The following B4GALT1 variants were observed in gnomAD, a reference collection of about 807,000 sequenced individuals.
B4GALT1 encodes beta-1,4-galactosyltransferase 1.
A neutral mutation model predicts 34.9 loss-of-function variants in B4GALT1; 16 were observed. The observed-to-expected ratio is 0.46, with a 90% CI of 0.31 to 0.70. The LOEUF is 0.70. B4GALT1 is among the 30% of genes least tolerant of loss of function. The pLI, the probability that B4GALT1 is intolerant of heterozygous loss-of-function variation, is 0.05. For synonymous variants in B4GALT1, 221 were observed against 218.1 expected (o/e 1.01, Z -0.12); for missense variants, 445 against 530.5 (o/e 0.84, Z 1.58).
At chr9:33,115,502 A>G (rs1389213716) in intron 4 of B4GALT1, among the ~76,000 whole-genome samples, 1 of 152,236 alleles carries the variant, frequency 6.6e-6, no homozygotes, top group Non-Finnish European at 1.5e-5. Context: ...AGAACTGACC[A>G]GGCCATAATG....
chr9:33,157,835 C>A (rs1188038140), intron 1 of B4GALT1, among the ~76,000 whole-genome samples: 2 of 152,090 alleles, frequency 1.3e-5, no homozygotes, highest in African/African-American at 4.8e-5. Context: ...GTTTTAAGCC[C>A]TTTCGTGGCT....
chr9:33,158,450 CTTTCT>C (rs1295648985), intron 1 of B4GALT1, among the ~76,000 whole-genome samples: 3 of 152,202 alleles, frequency 2.0e-5, no homozygotes. Flanking sequence ...ACCACCTTCT[CTTTCT>C]TTTATCATCT....
the B4GALT1 span, among the ~76,000 whole-genome samples, chr9:33,182,178 G>A: frequency 5.3e-5 from 8 of 152,136 alleles, no homozygotes; most frequent in East Asian, 1.5e-3. Context: ...AGCCATCCTT[G>A]GCATTCCTTG....
At chr9:33,165,296 T>A (rs1396670453) in intron 1 of B4GALT1, among the ~76,000 whole-genome samples, 1 of 141,978 alleles carries the variant, frequency 7.0e-6, no homozygotes, top group African/African-American at 2.6e-5. Context: ...GTACACGATC[T>A]CATTTAGTCT....
At chr9:33,114,807 A>C (rs1483936288) in intron 4 of B4GALT1, among the ~76,000 whole-genome samples, 2 of 152,018 alleles carry the variant, frequency 1.3e-5, no homozygotes, top group Non-Finnish European at 2.9e-5. Context: ...TGGTGCATAG[A>C]AAGTGTTAGG....
rs928608596 is a variant in B4GALT1, at chr9:33,113,574, A to G, written c.1077T>C (p.Ile359=). Residue 359 remains isoleucine (I), a synonymous_variant, in exon 6 of 6, where the codon ATT becomes ATC. Transcript: ENST00000379731. The stretch of plus-strand genomic sequence containing the variant: ...AGAGCATTGTCTCCTTTGTGTGTGC[A>G]ATTCGGTCAAACCTACAAGGAAAAG... The part of the protein sequence containing the change: ...NEPNPQRFDR[I]AHTKETMLSD... The G allele has an allele frequency of 1.9e-6, 3 of 1,614,232 alleles. No individual in the cohort carries two copies. The highest frequency in any genetic ancestry group is 2.5e-6 in the Non-Finnish European group (3 of 1,180,046).
At chr9:33,165,295 C>A (rs1241156283) in intron 1 of B4GALT1, among the ~76,000 whole-genome samples, 2 of 142,362 alleles carry the variant, frequency 1.4e-5, no homozygotes, top group East Asian at 5.1e-4. Context: ...TGTACACGAT[C>A]TCATTTAGTC....
At chr9:33,154,817 G>T (rs552505723) in intron 1 of B4GALT1, among the ~76,000 whole-genome samples, 1 of 152,164 alleles carries the variant, frequency 6.6e-6, no homozygotes, top group Non-Finnish European at 1.5e-5. Flanking sequence ...ACAAATTCAT[G>T]AACTCTCTTA....
At chr9:33,166,524 G>C (rs902009564) in intron 1 of B4GALT1, among the ~76,000 whole-genome samples, 5 of 152,222 alleles carry the variant, frequency 3.3e-5, no homozygotes, top group African/African-American at 1.2e-4. Flanking sequence ...AGGGGCCTCG[G>C]GACTTCCCTG....
chr9:33,150,222 C>A (rs1840491763), intron 1 of B4GALT1, among the ~76,000 whole-genome samples: 1 of 118,742 alleles, frequency 8.4e-6, no homozygotes, highest in Non-Finnish European at 1.7e-5. Flanking sequence ...ATCTATCTAT[C>A]TACAGGTAGA....
In B4GALT1 at chr9:33,135,439, G is replaced by A. The variant is rs201579123; in HGVS notation, c.413-15C>T. 6 of 1,612,578 alleles carry A rather than the reference G, an allele frequency of 3.7e-6. No homozygotes were observed. The highest frequency in any genetic ancestry group is 3.3e-5 in the South Asian group (3 of 90,906). On this transcript the variant is annotated splice_polypyrimidine_tract_variant and intron_variant, in intron 1 of 5. Coordinates refer to ENST00000379731, the MANE Select transcript of B4GALT1 (RefSeq NM_001497.4). ...CATGGGGCCCACTAGAGAGGTGGAG[G>A]GAGGGAGAAGTTAGCAGGCCACAGG...
intron 1 of B4GALT1, among the ~76,000 whole-genome samples, chr9:33,141,578 C>G (rs1159029637): frequency 6.6e-6 from 1 of 152,164 alleles, no homozygotes; most frequent in African/African-American, 2.4e-5. Flanking sequence ...GCCAACAGTA[C>G]TGCTAAGTGT....
chr9:33,132,186 C>A (rs779663987), intron 2 of B4GALT1, among the ~76,000 whole-genome samples: 1 of 151,462 alleles, frequency 6.6e-6, no homozygotes, highest in Admixed American at 6.6e-5. Flanking sequence ...GTTTGAAAAA[C>A]CAAAACTAAA....
At chr9:33,120,898 G>A (rs536930960) in intron 2 of B4GALT1, among the ~76,000 whole-genome samples, 2 of 152,272 alleles carry the variant, frequency 1.3e-5, no homozygotes, top group South Asian at 4.1e-4. Context: ...TAATCAGTAG[G>A]GAACTGGTTC....
the B4GALT1 span, among the ~76,000 whole-genome samples, chr9:33,173,822 T>C: frequency 6.6e-6 from 1 of 152,106 alleles, no homozygotes; most frequent in Admixed American, 6.6e-5. Flanking sequence ...GAGGAAGAAC[T>C]CAAAGAATGA....
chr9:33,169,773 G>A (rs1840823070), upstream of B4GALT1, among the ~76,000 whole-genome samples: 2 of 151,966 alleles, frequency 1.3e-5, no homozygotes, highest in South Asian at 4.2e-4. Context: ...CGCCCGCCTC[G>A]GCCTCCCAAA....
upstream of B4GALT1, among the ~76,000 whole-genome samples, chr9:33,168,886 C>A (rs1331347629): frequency 6.6e-6 from 1 of 152,226 alleles, no homozygotes; most frequent in Non-Finnish European, 1.5e-5. Context: ...TCCTTACACA[C>A]CACTCCCGTT....
chr9:33,120,547 C>T lies in B4GALT1; in HGVS notation c.708G>A (p.Leu236=). The T allele has an allele frequency of 6.2e-7, 1 of 1,614,182 alleles. No individual in the cohort carries two copies. Among genetic ancestry groups the T allele is most frequent in the Non-Finnish European group, 8.5e-7 (1 of 1,180,026 alleles). Reference sequence around the variant, plus strand: ...CAAAGCAGGTGTAGTCATAGTCCTTCAAGGCTTCTTGAAAGCCAACATTGA... The same window carrying T: ...CAAAGCAGGTGTAGTCATAGTCCTTTAAGGCTTCTTGAAAGCCAACATTGA... The part of the protein sequence containing the change: ...KLLNVGFQEA[L]KDYDYTCFVF... The change falls in exon 3 of 6, where the codon TTG becomes TTA. Residue 236 remains leucine, a synonymous_variant. Transcript: ENST00000379731.
At chr9:33,168,614 C>G (rs1343431592), upstream of B4GALT1, among the ~76,000 whole-genome samples, 2 of 152,218 alleles carry the variant, frequency 1.3e-5, no homozygotes, top group Non-Finnish European at 2.9e-5. Flanking sequence ...ACTTGACTTC[C>G]TGGACACCAG....
Sources: gnomAD v4.1 joint callset for allele counts (sites outside exome capture counted in the v4.1 genomes callset) on GRCh38, gnomAD v4.1.1 for gene constraint, MANE v1.5 for transcripts, NCBI Gene and HGNC (gene_info 2026-07-23, HGNC 2026-07-21) for gene names.